The following AGPAT4 variants were observed in gnomAD, a reference collection of about 807,000 sequenced individuals.
AGPAT4 encodes 1-acyl-sn-glycerol-3-phosphate acyltransferase delta.
Under a neutral mutation model 48.0 loss-of-function variants are expected in AGPAT4, and 15 were observed. The observed-to-expected ratio is 0.31, with a 90% CI of 0.21 to 0.48. The LOEUF (loss-of-function observed/expected upper bound fraction) is 0.48, where lower values mean the gene tolerates loss of function less well. Ranked by LOEUF, AGPAT4 falls within the 20% of genes least tolerant of loss-of-function variation. AGPAT4 has a pLI of 0.99. For missense variants in AGPAT4, 314 were observed against 482.5 expected (o/e 0.65, Z 3.27); for synonymous variants, 178 against 198.7 (o/e 0.90, Z 0.88).
At position 161,184,570 on chromosome 6, in the gene AGPAT4, C is replaced by T. The variant is rs1393360590; in HGVS notation, c.179-18153G>A. ...GGCCTCCCCTGGCCCTGCCCCGGAC[C>T]CCCCATTCCCACCTGTCATCCTCTG... On this transcript the variant is annotated intron_variant, in intron 2 of 8. Coordinates refer to ENST00000320285, the MANE Select transcript of AGPAT4 (RefSeq NM_020133.3). This position sits in a 1 kb window ranked among gnomAD's most constrained non-coding sequence, Gnocchi z 4.8. Among the ~76,000 whole-genome samples the T allele has an allele frequency of 6.6e-6, 1 of 151,984 alleles. No individual in the cohort carries two copies. The highest frequency in any genetic ancestry group is 1.5e-5 in the Non-Finnish European group (1 of 67,990).
In AGPAT4 at chr6:161,242,957, G is replaced by A. The variant is rs1025776039; in HGVS notation, c.-89-10655C>T. The stretch of plus-strand genomic sequence containing the variant: ...GTGGCACGTGCCTCCCAGCTACTCG[G>A]GAGACTGAAGCAGGAGAATTGATTG... On this transcript the variant is annotated intron_variant, in intron 1 of 8. Coordinates refer to ENST00000320285, the MANE Select transcript of AGPAT4 (RefSeq NM_020133.3). The surrounding 1 kb of genome is among the most constrained non-coding windows in gnomAD (Gnocchi z 5.0). Among the ~76,000 whole-genome samples the A allele has an allele frequency of 5.3e-5, 8 of 152,132 alleles. No individual in the cohort carries two copies. The highest frequency in any genetic ancestry group is 1.7e-4 in the African/African-American group (7 of 41,494).
In AGPAT4 at chr6:161,133,221, G is replaced by A. The variant is rs1335675931; in HGVS notation, c.*3319C>T. 1 of 152,202 alleles carries A rather than the reference G, an allele frequency of 6.6e-6. No individual in the cohort carries two copies. The highest frequency in any genetic ancestry group is 1.5e-5 in the Non-Finnish European group (1 of 68,040). The allele number at this position is 152,202 out of a possible 1,614,324, so 9.4% of individuals were successfully genotyped here. A position where few individuals can be genotyped will look rare whatever the true frequency, so the allele number is the denominator to read the frequency against. Reference sequence around the variant, plus strand: ...GCCAGACCACTCCTCCACTCCAGTGGGGCCTTTTTTGTGTCTTTCACATCA... The same window carrying A: ...GCCAGACCACTCCTCCACTCCAGTGAGGCCTTTTTTGTGTCTTTCACATCA... On this transcript the variant is annotated 3_prime_UTR_variant, in exon 9 of 9. Transcript: ENST00000320285.
rs1782603864 is a variant in AGPAT4 at position 161,244,736 on chromosome 6, C to T, written c.-89-12434G>A. On this transcript the variant is annotated intron_variant, in intron 1 of 8. Transcript: ENST00000320285. The surrounding 1 kb of genome is among the most constrained non-coding windows in gnomAD (Gnocchi z 4.7). ...GCACACATCTCTCCCTTTGGTCTGG[C>T]CTAGCCCACCTACTCTGCCTGGGTC... Among the ~76,000 whole-genome samples, 1 of 152,178 alleles carries T rather than the reference C, an allele frequency of 6.6e-6. No homozygotes were observed. The highest frequency in any genetic ancestry group is 1.5e-5 in the Non-Finnish European group (1 of 68,036).
rs1051230063 is a variant in AGPAT4 at position 161,148,908 on chromosome 6, C to T, written c.767+279G>A. Among the ~76,000 whole-genome samples the T allele has an allele frequency of 6.6e-6, 1 of 152,232 alleles. No homozygotes were observed. Among genetic ancestry groups the T allele is most frequent in the Non-Finnish European group, 1.5e-5 (1 of 68,036 alleles). Reference sequence around the variant, plus strand: ...AAGGGTCAATAACATATTCTCTTCACACCAACACCAAAATAATTATAAAAT... The same window carrying T: ...AAGGGTCAATAACATATTCTCTTCATACCAACACCAAAATAATTATAAAAT... On this transcript the variant is annotated intron_variant, in intron 6 of 8. Coordinates refer to ENST00000320285, the MANE Select transcript of AGPAT4 (RefSeq NM_020133.3). This position sits in a 1 kb window ranked among gnomAD's most constrained non-coding sequence, Gnocchi z 5.5.
intron 1 of AGPAT4, among the ~76,000 whole-genome samples, chr6:161,265,964 G>A (rs1783250525): frequency 6.6e-6 from 1 of 152,120 alleles, no homozygotes; most frequent in African/African-American, 2.4e-5. Context: ...CTTTGGTTAG[G>A]ACCCTATTAG....
intron 1 of AGPAT4, among the ~76,000 whole-genome samples, chr6:161,271,575 C>T (rs1353829269): frequency 2.6e-5 from 4 of 152,228 alleles, no homozygotes; most frequent in Non-Finnish European, 4.4e-5. Flanking sequence ...TGGGACCCTA[C>T]GTTTACTTTA....
intron 1 of AGPAT4, among the ~76,000 whole-genome samples, chr6:161,268,143 G>C (rs1783318264): frequency 6.6e-6 from 1 of 152,134 alleles, no homozygotes; most frequent in Non-Finnish European, 1.5e-5. Flanking sequence ...TCACACACTA[G>C]CTTTGTTATG....
chr6:161,156,601 A>C (rs1779775895), intron 3 of AGPAT4, among the ~76,000 whole-genome samples: 1 of 152,258 alleles, frequency 6.6e-6, no homozygotes, highest in Non-Finnish European at 1.5e-5. Flanking sequence ...TTATGAAAAA[A>C]GTAAAGCAGA....
Position 161,165,590 on chromosome 6 carries a change from A to ATGACTC in AGPAT4, c.348+652_348+657dup, listed in dbSNP as rs1780073383. The ATGACTC allele has an allele frequency of 3.1e-6, 4 of 1,299,320 alleles. No homozygotes were observed. Among genetic ancestry groups the ATGACTC allele is most frequent in the Non-Finnish European group, 4.0e-6 (4 of 987,708 alleles). 80.5% of individuals were successfully genotyped at this position (1,299,320 alleles called of 1,614,324 possible). ...CCTACGGAATACCTGAGTACCGCAGATGACTCTGATTCAGCTATGTGACAC... is the reference window on the plus strand; with the variant it reads ...CCTACGGAATACCTGAGTACCGCAGATGACTCTGACTCTGATTCAGCTATGTGACAC... On this transcript the variant is annotated intron_variant, in intron 3 of 8. Coordinates refer to ENST00000320285, the MANE Select transcript of AGPAT4 (RefSeq NM_020133.3). This position sits in a 1 kb window ranked among gnomAD's most constrained non-coding sequence, Gnocchi z 5.5.
At position 161,164,305 on chromosome 6, in the gene AGPAT4, T is replaced by C. The variant is rs1339573405; in HGVS notation, c.348+1943A>G. Among the ~76,000 whole-genome samples the C allele has an allele frequency of 6.6e-6, 1 of 152,228 alleles. No individual in the cohort carries two copies. Among genetic ancestry groups the C allele is most frequent in the Admixed American group, 6.5e-5 (1 of 15,286 alleles). On this transcript the variant is annotated intron_variant, in intron 3 of 8. Coordinates refer to ENST00000320285, the MANE Select transcript of AGPAT4 (RefSeq NM_020133.3). This position sits in a 1 kb window ranked among gnomAD's most constrained non-coding sequence, Gnocchi z 7.4. Reference sequence around the variant, plus strand: ...CATCTGTGCCTGTCCCCGTGCCTGCTAGTGCTGGGCATCTGGGTGCTTCTC... The same window carrying C: ...CATCTGTGCCTGTCCCCGTGCCTGCCAGTGCTGGGCATCTGGGTGCTTCTC...
intron 1 of AGPAT4, among the ~76,000 whole-genome samples, chr6:161,252,218 C>T (rs1424528184): frequency 1.3e-5 from 2 of 152,118 alleles, no homozygotes; most frequent in South Asian, 2.1e-4. Flanking sequence ...GTCAGTGACT[C>T]GTTTCTTGCA....
In AGPAT4 at chr6:161,246,855, T is replaced by C. The variant is rs1782664412; in HGVS notation, c.-89-14553A>G. On this transcript the variant is annotated intron_variant, in intron 1 of 8. Transcript: ENST00000320285. This position sits in a 1 kb window ranked among gnomAD's most constrained non-coding sequence, Gnocchi z 5.5. ...CTCTAGATGACCTAACATAATTTAA[T>C]TTTCATAGTGGTAACACTGAACTGT... Among the ~76,000 whole-genome samples, 1 of 152,248 alleles carries C rather than the reference T, an allele frequency of 6.6e-6. No individual in the cohort carries two copies.
rs560234587 is a variant in AGPAT4, at chr6:161,232,594, G to A, written c.-89-292C>T. On this transcript the variant is annotated intron_variant, in intron 1 of 8. Transcript: ENST00000320285. The surrounding 1 kb of genome is among the most constrained non-coding windows in gnomAD (Gnocchi z 6.8). The stretch of plus-strand genomic sequence containing the variant: ...TGGAGCCACTCGGCCAGGGTTCACC[G>A]CTCCCCAGCTGGGCAGCAGCTGAGC... Among the ~76,000 whole-genome samples the A allele has an allele frequency of 3.6e-4, 55 of 152,236 alleles. No homozygotes were observed. The South Asian group carries it at 1.0e-2, about 28-fold the overall frequency.
intron 2 of AGPAT4, among the ~76,000 whole-genome samples, chr6:161,168,157 G>A (rs4562116): frequency 0.024 from 3,546 of 150,284 alleles, 157 homozygotes; most frequent in African/African-American, 0.084. Flanking sequence ...ACAACATGCA[G>A]CCTGGCAGGG....
rs964823575 is a variant in AGPAT4 at position 161,196,952 on chromosome 6, G to C, written c.179-30535C>G. 6.6e-6 allele frequency among the ~76,000 whole-genome samples: 1 copy of C among 152,134 alleles called. No homozygotes were observed. Among genetic ancestry groups the C allele is most frequent in the Non-Finnish European group, 1.5e-5 (1 of 68,034 alleles). On this transcript the variant is annotated intron_variant, in intron 2 of 8. Transcript: ENST00000320285. This position sits in a 1 kb window ranked among gnomAD's most constrained non-coding sequence, Gnocchi z 4.3. ...TTACTGGGTGCCCGGAACTGCTCCAGGCACTGGGGAAGTCAGCTGTGAACA... is the reference window on the plus strand; with the variant it reads ...TTACTGGGTGCCCGGAACTGCTCCACGCACTGGGGAAGTCAGCTGTGAACA...
chr6:161,193,504 G>A (rs1242602339), intron 2 of AGPAT4, among the ~76,000 whole-genome samples: 1 of 152,220 alleles, frequency 6.6e-6, no homozygotes, highest in Non-Finnish European at 1.5e-5. Flanking sequence ...CCGCTCTGTG[G>A]TCACCACTTT....
At chr6:161,156,359 G>T (rs1779769243) in intron 3 of AGPAT4, among the ~76,000 whole-genome samples, 1 of 150,824 alleles carries the variant, frequency 6.6e-6, no homozygotes, top group Non-Finnish European at 1.5e-5. Context: ...CTACACACAG[G>T]AGTGTTTTTT....
rs1242302082 is a variant in AGPAT4, at chr6:161,229,830, G to A, written c.178+2206C>T. Reference sequence around the variant, plus strand: ...CAAAGCCCTAGGAAGCCTTCCTCCGGGGACATAGGCAAAGGTCATTGCTGG... The same window carrying A: ...CAAAGCCCTAGGAAGCCTTCCTCCGAGGACATAGGCAAAGGTCATTGCTGG... On this transcript the variant is annotated intron_variant, in intron 2 of 8. Coordinates refer to ENST00000320285, the MANE Select transcript of AGPAT4 (RefSeq NM_020133.3). The surrounding 1 kb of genome is among the most constrained non-coding windows in gnomAD (Gnocchi z 6.0). Among the ~76,000 whole-genome samples, 1 of 152,078 alleles carries A rather than the reference G, an allele frequency of 6.6e-6. No individual in the cohort carries two copies. The highest frequency in any genetic ancestry group is 1.5e-5 in the Non-Finnish European group (1 of 68,032).
intron 1 of AGPAT4, among the ~76,000 whole-genome samples, chr6:161,250,725 CTGTT>C (rs1782783201): frequency 6.6e-6 from 1 of 152,026 alleles, no homozygotes; most frequent in Admixed American, 6.6e-5. Flanking sequence ...ATATTTGTAG[CTGTT>C]TATATTCTTA....
Sources: allele counts gnomAD v4.1 joint callset (sites outside exome capture counted in the v4.1 genomes callset), GRCh38; gene constraint gnomAD v4.1.1; non-coding constraint Gnocchi (gnomAD v3.1); transcripts MANE v1.5; gene names NCBI Gene and HGNC (gene_info 2026-07-23, HGNC 2026-07-21).